The following ZNF707 variants were observed in gnomAD, a reference collection of about 807,000 sequenced individuals.
ZNF707 encodes the protein zinc finger protein 707.
Under a neutral mutation model 13.3 loss-of-function variants are expected in ZNF707, and 8 were observed. The ratio of observed to expected loss-of-function variants is 0.60; its 90% CI spans 0.35 to 1.09. The LOEUF is 1.09. Ranked by LOEUF, ZNF707 falls within the 50% of genes least tolerant of loss-of-function variation. ZNF707 has a pLI of 0.02. For synonymous variants in ZNF707, 225 were observed against 205.6 expected (o/e 1.09, Z -0.81); for missense variants, 530 against 512.6 (o/e 1.03, Z -0.33).
Position 143,688,455 on chromosome 8 carries a change from G to A in ZNF707, c.-150-749G>A, listed in dbSNP as rs117367770. Among the ~76,000 whole-genome samples, 35 of 152,138 alleles carry A rather than the reference G, an allele frequency of 2.3e-4. No individual in the cohort carries two copies. In the East Asian group the frequency reaches 5.0e-3, roughly 22 times the overall value. ...GCAGTGAGTGTTGAGTGCAGGTGGT[G>A]GAGGGAGCCTCCTGGGCACCAACTG... On this transcript the variant is annotated intron_variant, in intron 1 of 5. Coordinates refer to ENST00000358656, the MANE Select transcript of ZNF707 (RefSeq NM_001100598.2).
intron 3 of ZNF707, 24 bp downstream of exon 3, chr8:143,690,147 C>T: frequency 1.2e-6 from 2 of 1,603,254 alleles, no homozygotes; most frequent in Non-Finnish European, 1.7e-6. Flanking sequence ...CTGCCGAGCG[C>T]AGCCTCCCTT....
intron 1 of ZNF707, among the ~76,000 whole-genome samples, chr8:143,686,324 G>A (rs1252212430): frequency 4.0e-5 from 6 of 151,182 alleles, no homozygotes; most frequent in African/African-American, 7.4e-5. Context: ...CACCTGCCTC[G>A]GCCTCCCCAA....
intron 5 of ZNF707, chr8:143,692,020 C>T (rs913695243): frequency 1.5e-5 from 22 of 1,424,104 alleles, no homozygotes; most frequent in East Asian, 1.3e-4. Flanking sequence ...TGCTGTCCGG[C>T]GGAGGCCATT....
In ZNF707 at chr8:143,694,143, G is replaced by A; in HGVS notation, c.729G>A (p.Leu243=). The change falls in exon 6 of 6, where the codon CTG becomes CTA. Residue 243 remains leucine, a synonymous_variant. Coordinates refer to ENST00000358656, the MANE Select transcript of ZNF707 (RefSeq NM_001100598.2). This position sits in a 1 kb window ranked among gnomAD's most constrained non-coding sequence, Gnocchi z 4.4. ...CCEACGQAFS[L]KDRLAQHRKV... ...AGGCCTGCGGGCAGGCGTTCAGCCT[G>A]AAGGACCGCCTGGCTCAGCACCGCA... The A allele has an allele frequency of 6.3e-7, 1 of 1,592,034 alleles. No individual in the cohort carries two copies. Among genetic ancestry groups the A allele is most frequent in the Non-Finnish European group, 8.6e-7 (1 of 1,169,080 alleles).
rs782193862 is a variant in ZNF707 at position 143,693,283 on chromosome 8, C to CT, written c.257-373dup. On this transcript the variant is annotated intron_variant, in intron 5 of 5. Coordinates refer to ENST00000358656, the MANE Select transcript of ZNF707 (RefSeq NM_001100598.2). The surrounding 1 kb of genome is among the most constrained non-coding windows in gnomAD (Gnocchi z 4.1). Reference sequence around the variant, plus strand: ...GCACACAGCAGGAGGGTCCTCTGGGCTTTTTTTTTTTTTTTGAGACGGAGT... The same window carrying CT: ...GCACACAGCAGGAGGGTCCTCTGGGCTTTTTTTTTTTTTTTTGAGACGGAGT... Among the ~76,000 whole-genome samples, 4,414 of 141,692 alleles carry CT rather than the reference C, an allele frequency of 0.031. 116 individuals are homozygous for CT. The highest frequency in any genetic ancestry group is 0.069 in the African/African-American group (2,692 of 38,738). The allele number at this position is 141,692 out of a possible 152,430, so 93.0% of individuals were successfully genotyped here.
intron 1 of ZNF707, 93 bp downstream of exon 1, chr8:143,684,635 C>G (rs1816081974): frequency 6.6e-6 from 1 of 152,252 alleles, no homozygotes; most frequent in African/African-American, 2.4e-5. Flanking sequence ...GCTGTGAGAC[C>G]CAGCGTCGCG....
In ZNF707 at chr8:143,694,237, C is replaced by G; in HGVS notation, c.823C>G (p.Leu275Val). The G allele has an allele frequency of 6.3e-7, 1 of 1,588,958 alleles. No individual in the cohort carries two copies. The highest frequency in any genetic ancestry group is 1.1e-5 in the South Asian group (1 of 87,042). ...GAAAGCCTTCAAGCAGAAGTCCAAC[C>G]TTCTCAGACACCAGCTGGTGCACAC... ...CGKAFKQKSN[L>V]LRHQLVHTGE... Residue 275 changes from leucine to valine, a missense_variant, in exon 6 of 6, where the codon CTT becomes GTT. Physicochemically the swap from Leu to Val is conservative, Grantham distance 32. Transcript: ENST00000358656. The surrounding 1 kb of genome is among the most constrained non-coding windows in gnomAD (Gnocchi z 4.4).
At chr8:143,690,267 T>C (rs1816683823) in intron 3 of ZNF707, 144 bp downstream of exon 3, 2 of 1,130,928 alleles carry the variant, frequency 1.8e-6, no homozygotes, top group Non-Finnish European at 2.5e-6. Context: ...TCTTAAGGGG[T>C]GGGGAAAGAA....
intron 5 of ZNF707, 93 bp downstream of exon 5, chr8:143,691,806 G>C: frequency 8.4e-7 from 1 of 1,185,740 alleles, no homozygotes. Context: ...CCAAGGGTGT[G>C]TCCTTCCCAT....
At chr8:143,689,992 C>A in intron 2 of ZNF707, 65 bp from the exon 3 acceptor site, 1 of 1,370,454 alleles carries the variant, frequency 7.3e-7, no homozygotes, top group South Asian at 1.2e-5. Context: ...GGGGGGGCTC[C>A]TGGGGTCAGG....
At chr8:143,690,518 G>A (rs1044268086) in intron 3 of ZNF707, 4 of 223,904 alleles carry the variant, frequency 1.8e-5, no homozygotes, top group South Asian at 2.5e-4. Context: ...AGCCAAGATC[G>A]TGCCACCACT....
At position 143,694,218 on chromosome 8, in the gene ZNF707, C is replaced by T. The variant is rs1475619414; in HGVS notation, c.804C>T (p.Ala268=). 4 of 1,582,834 alleles carry T rather than the reference C, an allele frequency of 2.5e-6. No homozygotes were observed. In the African/African-American group the frequency reaches 5.4e-5, roughly 21 times the overall value. The change falls in exon 6 of 6, where the codon GCC becomes GCT. Residue 268 remains alanine, a synonymous_variant. Transcript: ENST00000358656. The surrounding 1 kb of genome is among the most constrained non-coding windows in gnomAD (Gnocchi z 4.4). ...ACTCGTGTGGCGACTGTGGGAAAGC[C>T]TTCAAGCAGAAGTCCAACCTTCTCA... ...RPYSCGDCGK[A]FKQKSNLLRH... is the part of the protein sequence containing the mutation.
chr8:143,690,979 C>T (rs1236446408), intron 3 of ZNF707, 94 bp from the exon 4 acceptor site: 3 of 1,494,270 alleles, frequency 2.0e-6, no homozygotes, highest in South Asian at 1.3e-5. Flanking sequence ...CAGTCCACCG[C>T]AGGGCCACTC....
At chr8:143,689,972 T>G in intron 2 of ZNF707, 85 bp from the exon 3 acceptor site, 14 of 1,035,592 alleles carry the variant, frequency 1.4e-5, no homozygotes, top group Non-Finnish European at 2.0e-5. Flanking sequence ...TTCCCCGTGA[T>G]TTGCTGAGTG....
chr8:143,686,292 G>A (rs182366199), intron 1 of ZNF707, among the ~76,000 whole-genome samples: 2 of 151,930 alleles, frequency 1.3e-5, no homozygotes, highest in African/African-American at 2.4e-5. Flanking sequence ...GGCTGGTCTC[G>A]AACTTCTGAC....
intron 1 of ZNF707, among the ~76,000 whole-genome samples, chr8:143,686,003 C>T (rs1482148096): frequency 3.3e-5 from 5 of 152,344 alleles, no homozygotes; most frequent in African/African-American, 7.2e-5. Flanking sequence ...GCCTATCTCA[C>T]GGTTCTCCCT....
Position 143,693,522 on chromosome 8 carries a change from C to T in ZNF707, c.257-149C>T, listed in dbSNP as rs972426549. On this transcript the variant is annotated intron_variant, in intron 5 of 5. Transcript: ENST00000358656. This position sits in a 1 kb window ranked among gnomAD's most constrained non-coding sequence, Gnocchi z 4.1. Reference sequence around the variant, plus strand: ...TTGTTAGCCAGGATGGTCTCGATCTCCTGACCTCATGATCCACCCGCCTCG... The same window carrying T: ...TTGTTAGCCAGGATGGTCTCGATCTTCTGACCTCATGATCCACCCGCCTCG... 1.7e-5 allele frequency: 13 copies of T among 769,566 alleles called. No individual in the cohort carries two copies. The South Asian group carries it at 3.8e-4, about 23-fold the overall frequency. 47.7% of individuals were successfully genotyped at this position (769,566 alleles called of 1,614,324 possible). A position where few individuals can be genotyped will look rare whatever the true frequency, so the allele number is the denominator to read the frequency against.
In ZNF707 at chr8:143,693,665, C is replaced by T. The variant is rs782412401; in HGVS notation, c.257-6C>T. On this transcript the variant is annotated splice_region_variant and splice_polypyrimidine_tract_variant and intron_variant, in intron 5 of 5. Transcript: ENST00000358656. The surrounding 1 kb of genome is among the most constrained non-coding windows in gnomAD (Gnocchi z 4.1). The stretch of plus-strand genomic sequence containing the variant: ...CTCTGTGTAAGGGTGTCTGTTCCTT[C>T]CACAGGGGCAAGGAAGTCTGCAGAC... 1 of 1,567,794 alleles carries T rather than the reference C, an allele frequency of 6.4e-7. No homozygotes were observed. The highest frequency in any genetic ancestry group is 1.2e-5 in the South Asian group (1 of 82,306).
At chr8:143,685,512 C>G (rs990696158) in intron 1 of ZNF707, among the ~76,000 whole-genome samples, 1 of 129,584 alleles carries the variant, frequency 7.7e-6, no homozygotes, top group Non-Finnish European at 1.6e-5. Context: ...GGCGACAGAG[C>G]GAGACATCAT....
Sources: gnomAD v4.1 joint callset for allele counts (sites outside exome capture counted in the v4.1 genomes callset) on GRCh38, gnomAD v4.1.1 for gene constraint, Gnocchi (gnomAD v3.1) non-coding constraint, MANE v1.5 for transcripts, NCBI Gene and HGNC (gene_info 2026-07-23, HGNC 2026-07-21) for gene names.